CCNO: variants seen among roughly 807,000 people sequenced by gnomAD.
CCNO encodes cyclin-O.
In CCNO, 24 loss-of-function variants were observed where a neutral mutation model predicts 23.9. The observed-to-expected ratio is 1.00, with a 90% CI of 0.73 to 1.41. CCNO has a LOEUF of 1.41. Ranked by LOEUF, CCNO falls within the 40% of genes most tolerant of loss-of-function variation. The pLI is 0.00. For missense variants in CCNO, 542 were observed against 476.2 expected (o/e 1.14, Z -1.29); for synonymous variants, 241 against 225.7 (o/e 1.07, Z -0.61).
chr5:55,231,861 C>G lies in CCNO; in HGVS notation c.568-1G>C, dbSNP rs1312679513. The stretch of plus-strand genomic sequence containing the variant: ...TCACGCGCGGCGGGTGCACCTCCAC[C>G]TGCAACACAGGGCGCACTCAACCCC... On this transcript the variant is annotated splice_acceptor_variant, in intron 2 of 2. Transcript: ENST00000282572. LOFTEE classifies it high-confidence loss of function. The G allele has an allele frequency of 6.5e-7, 1 of 1,534,766 alleles. No individual in the cohort carries two copies. The highest frequency in any genetic ancestry group is 8.8e-7 in the Non-Finnish European group (1 of 1,139,976).
In CCNO at chr5:55,233,065, GCC is replaced by G. The variant is rs1395605645; in HGVS notation, c.381+76_381+77del. 3.5e-4 allele frequency: 504 copies of G among 1,448,380 alleles called. 4 individuals carry two copies. The African/African-American group carries it at 5.4e-3, about 15-fold the overall frequency. 89.7% of individuals were successfully genotyped at this position (1,448,380 alleles called of 1,614,324 possible). A position where few individuals can be genotyped will look rare whatever the true frequency, so the allele number is the denominator to read the frequency against. On this transcript the variant is annotated intron_variant, in intron 1 of 2. Coordinates refer to ENST00000282572, the MANE Select transcript of CCNO (RefSeq NM_021147.5). ...TGTCGCGGGCCCGGGCGCTCGGAGG[GCC>G]GAGCCGGCAGGAGAGGAGAGAGCCT... is the stretch of plus-strand genomic sequence containing the variant.
At position 55,232,475 on chromosome 5, in the gene CCNO, G is replaced by C. The variant is rs1197167668; in HGVS notation, c.453C>G (p.Phe151Leu). 2 of 1,614,024 alleles carry C rather than the reference G, an allele frequency of 1.2e-6. No homozygotes were observed. The highest frequency in any genetic ancestry group is 2.2e-5 in the South Asian group (2 of 91,086). ...IPVHRQFGLS[F>L]ESLCLTVNTL... ...TGTTCACCGTCAGGCACAGCGACTC[G>C]AAGGAGAGGCCGAATTGGCGGTGCA... is the stretch of plus-strand genomic sequence containing the variant. The change falls in exon 2 of 3, where the codon TTC (phenylalanine) becomes TTG (leucine). Residue 151 changes from phenylalanine (F) to leucine (L), a missense_variant. By Grantham distance (22) the Phe-to-Leu change is conservative. Transcript: ENST00000282572.
chr5:55,232,427 G>A lies in CCNO; in HGVS notation c.501C>T (p.Thr167=), dbSNP rs751000643. ...TVNTLDRFLT[T]TPVAADCFQL... ...GGAAGCAGTCTGCAGCCACCGGCGT[G>A]GTGGTGAGGAAGCGGTCCAGAGTGT... The change falls in exon 2 of 3, where the codon ACC becomes ACT. Residue 167 remains threonine (T), a synonymous_variant. Coordinates refer to ENST00000282572, the MANE Select transcript of CCNO (RefSeq NM_021147.5). The A allele has an allele frequency of 6.2e-7, 1 of 1,614,066 alleles. No individual in the cohort carries two copies. The highest frequency in any genetic ancestry group is 1.7e-5 in the Admixed American group (1 of 60,028).
At chr5:55,233,022 T>G in intron 1 of CCNO, 121 bp downstream of exon 1, 1 of 1,058,242 alleles carries the variant, frequency 9.4e-7, no homozygotes, top group South Asian at 1.6e-5. Flanking sequence ...GTGCTTCGAC[T>G]CGGGGCGGGA....
rs145783643 is a variant in CCNO at position 55,231,478 on chromosome 5, A to G, written c.950T>C (p.Met317Thr). ...GGCCACCAGCAGCTGCAACTTGCCC[A>G]TACAGTCCTCCAGCGCCGCCTCCGG... ...DHPEAALEDC[M>T]GKLQLLVAIN... The change falls in exon 3 of 3, where the codon ATG becomes ACG. Residue 317 changes from methionine (M) to threonine (T), a missense_variant. Physicochemically the swap from Met to Thr is moderately conservative, Grantham distance 81. Coordinates refer to ENST00000282572, the MANE Select transcript of CCNO (RefSeq NM_021147.5). The G allele has an allele frequency of 5.9e-5, 95 of 1,613,978 alleles. No homozygotes were observed. The highest frequency in any genetic ancestry group is 1.7e-5 in the Admixed American group (1 of 60,010).
chr5:55,231,496 G>T lies in CCNO; in HGVS notation c.932C>A (p.Ala311Glu), dbSNP rs536570958. Residue 311 changes from alanine to glutamate, a missense_variant, in exon 3 of 3, where the codon GCG (alanine) becomes GAG (glutamate). Physicochemically the swap from Ala to Glu is moderately radical, Grantham distance 107. Transcript: ENST00000282572. The part of the protein sequence containing the change: ...VDLRLGDHPE[A>E]ALEDCMGKLQ... ...CTTGCCCATACAGTCCTCCAGCGCC[G>T]CCTCCGGGTGGTCTCCCAGTCGCAA... 6.2e-7 allele frequency: 1 copy of T among 1,613,880 alleles called. No homozygotes were observed. Among genetic ancestry groups the T allele is most frequent in the East Asian group, 2.2e-5 (1 of 44,886 alleles).
At chr5:55,232,586 G>C (rs771769193) in intron 1 of CCNO, 40 bp from the exon 2 acceptor site, 2 of 1,593,946 alleles carry the variant, frequency 1.3e-6, no homozygotes, top group Non-Finnish European at 8.6e-7. Flanking sequence ...GCTGGGCTTA[G>C]GGTGGAGAGG....
At position 55,231,256 on chromosome 5, in the gene CCNO, C is replaced by T; in HGVS notation, c.*119G>A. On this transcript the variant is annotated 3_prime_UTR_variant, in exon 3 of 3. Coordinates refer to ENST00000282572, the MANE Select transcript of CCNO (RefSeq NM_021147.5). ...TGCTAGTATCGTACACTATTTACAA[C>T]CTGCAGCTGACCAAGCAGGTCCTGA... 8.8e-7 allele frequency: 1 copy of T among 1,134,052 alleles called. No individual in the cohort carries two copies. The highest frequency in any genetic ancestry group is 1.3e-6 in the Non-Finnish European group (1 of 782,442). 70.2% of individuals were successfully genotyped at this position (1,134,052 alleles called of 1,614,324 possible). A position where few individuals can be genotyped will look rare whatever the true frequency, so the allele number is the denominator to read the frequency against.
Position 55,231,783 on chromosome 5 carries a change from G to A in CCNO, c.645C>T (p.Asn215=), listed in dbSNP as rs1170327748. ...GCTTGTGCAGCACGATGCACTCGAG[G>A]TTGCAGAGCTGCTGCCGGGAGAAGG... ...CGAFSRQQLC[N]LECIVLHKLH... Residue 215 remains asparagine (N), a synonymous_variant, in exon 3 of 3, where the codon AAC becomes AAT. Coordinates refer to ENST00000282572, the MANE Select transcript of CCNO (RefSeq NM_021147.5). The A allele has an allele frequency of 6.4e-7, 1 of 1,562,426 alleles. No individual in the cohort carries two copies. Among genetic ancestry groups the A allele is most frequent in the East Asian group, 2.4e-5 (1 of 42,128 alleles).
chr5:55,231,786 G>A lies in CCNO; in HGVS notation c.642C>T (p.Cys214=). 1 of 1,561,308 alleles carries A rather than the reference G, an allele frequency of 6.4e-7. No homozygotes were observed. Among genetic ancestry groups the A allele is most frequent in the South Asian group, 1.2e-5 (1 of 84,864 alleles). ...CCGAFSRQQL[C]NLECIVLHKL... Reference sequence around the variant, plus strand: ...TGTGCAGCACGATGCACTCGAGGTTGCAGAGCTGCTGCCGGGAGAAGGCGC... The same window carrying A: ...TGTGCAGCACGATGCACTCGAGGTTACAGAGCTGCTGCCGGGAGAAGGCGC... Residue 214 remains cysteine (C), a synonymous_variant, in exon 3 of 3, where the codon TGC becomes TGT. Coordinates refer to ENST00000282572, the MANE Select transcript of CCNO (RefSeq NM_021147.5).
rs1745616674 is a variant in CCNO, at chr5:55,232,470, G to A, written c.458C>T (p.Ser153Leu). ...CAGAGTGTTCACCGTCAGGCACAGC[G>A]ACTCGAAGGAGAGGCCGAATTGGCG... Reference protein sequence around the residue: ...VHRQFGLSFESLCLTVNTLDR... With the variant: ...VHRQFGLSFELLCLTVNTLDR... Residue 153 changes from serine (S) to leucine (L), a missense_variant, in exon 2 of 3, where the codon TCG becomes TTG. Physicochemically the swap from Ser to Leu is moderately radical, Grantham distance 145 (BLOSUM62 -2). Coordinates refer to ENST00000282572, the MANE Select transcript of CCNO (RefSeq NM_021147.5). 2 of 1,613,876 alleles carry A rather than the reference G, an allele frequency of 1.2e-6. No individual in the cohort carries two copies.
In CCNO at chr5:55,233,588, C is replaced by T; in HGVS notation, c.-65G>A. The T allele has an allele frequency of 7.0e-7, 1 of 1,434,964 alleles. No homozygotes were observed. Among genetic ancestry groups the T allele is most frequent in the Non-Finnish European group, 9.2e-7 (1 of 1,092,760 alleles). 88.9% of individuals were successfully genotyped at this position (1,434,964 alleles called of 1,614,324 possible). ...GGCTGCGGCGGGCAGCAAACGCGCA[C>T]TCGAAAGTGCGAAGGAGGCCGGGCT... is the stretch of plus-strand genomic sequence containing the variant. On this transcript the variant is annotated 5_prime_UTR_variant, in exon 1 of 3. It adds an upstream start codon to the 5' untranslated region. Coordinates refer to ENST00000282572, the MANE Select transcript of CCNO (RefSeq NM_021147.5).
rs774547104 is a variant in CCNO, at chr5:55,233,336, G to C, written c.188C>G (p.Ser63Cys). The C allele has an allele frequency of 2.5e-6, 4 of 1,606,658 alleles. No homozygotes were observed. In the South Asian group the frequency reaches 3.3e-5, roughly 13 times the overall value. ...GDSGICDLFESPSSGSDGAES... is the reference protein window; with the variant it reads ...GDSGICDLFECPSSGSDGAES... ...TGCGCCGTCTGAGCCGGAGCTGGGG[G>C]ACTCGAACAGGTCGCAAATGCCGGA... Residue 63 changes from serine to cysteine, a missense_variant, in exon 1 of 3, where the codon TCC (serine) becomes TGC (cysteine). Physicochemically the swap from Ser to Cys is moderately radical, Grantham distance 112. Transcript: ENST00000282572.
rs1373502084 is a variant in CCNO at position 55,231,284 on chromosome 5, C to T, written c.*91G>A. The T allele has an allele frequency of 4.8e-6, 7 of 1,459,870 alleles. No individual in the cohort carries two copies. Among genetic ancestry groups the T allele is most frequent in the Non-Finnish European group, 6.6e-6 (7 of 1,064,492 alleles). The allele number at this position is 1,459,870 out of a possible 1,614,324, so 90.4% of individuals were successfully genotyped here. On this transcript the variant is annotated 3_prime_UTR_variant, in exon 3 of 3. Coordinates refer to ENST00000282572, the MANE Select transcript of CCNO (RefSeq NM_021147.5). ...GCAGCTGACCAAGCAGGTCCTGAAGCCTTCTCTGTGGACCAGTACTGCACT... is the reference window on the plus strand; with the variant it reads ...GCAGCTGACCAAGCAGGTCCTGAAGTCTTCTCTGTGGACCAGTACTGCACT...
chr5:55,232,597 G>T, intron 1 of CCNO, 51 bp from the exon 2 acceptor site: 1 of 1,564,834 alleles, frequency 6.4e-7, no homozygotes, highest in Non-Finnish European at 8.8e-7. Context: ...GGTGGAGAGG[G>T]ACTGTGGAAG....
rs139167004 is a variant in CCNO at position 55,231,648 on chromosome 5, G to A, written c.780C>T (p.Ala260=). The part of the protein sequence containing the change: ...AEASEALEAQ[A]LARGVAELSL... The stretch of plus-strand genomic sequence containing the variant: ...TCAGCTCTGCCACCCCCCGCGCCAG[G>A]GCTTGCGCTTCCAGAGCTTCGGAGG... Residue 260 remains alanine, a synonymous_variant, in exon 3 of 3, where the codon GCC becomes GCT. Coordinates refer to ENST00000282572, the MANE Select transcript of CCNO (RefSeq NM_021147.5). 4.5e-3 allele frequency: 7,076 copies of A among 1,588,502 alleles called. 36 individuals are homozygous for A. The highest frequency in any genetic ancestry group is 0.03 in the Middle Eastern group (179 of 6,000).
Position 55,233,261 on chromosome 5 carries a change from T to TGGGCCGGGCC in CCNO, c.253_262dup (p.Gln88ArgfsTer51), listed in dbSNP as rs587777499. 14 of 1,589,378 alleles carry TGGGCCGGGCC rather than the reference T, an allele frequency of 8.8e-6. No individual in the cohort carries two copies. Among genetic ancestry groups the TGGGCCGGGCC allele is most frequent in the East Asian group, 4.5e-5 (2 of 44,096 alleles). ...CTGTAGATCTAGCTGCGCCACGGGCTGGGCCGGGCCGGGCAGGGGGCTACC... is the reference window on the plus strand; with the variant it reads ...CTGTAGATCTAGCTGCGCCACGGGCTGGGCCGGGCCGGGCCGGGCCGGGCAGGGGGCTACC... On this transcript the variant is annotated frameshift_variant, in exon 1 of 3. Coordinates refer to ENST00000282572, the MANE Select transcript of CCNO (RefSeq NM_021147.5). LOFTEE classifies it high-confidence loss of function.
chr5:55,233,205 C>T lies in CCNO; in HGVS notation c.319G>A (p.Ala107Thr). 1 of 1,562,132 alleles carries T rather than the reference C, an allele frequency of 6.4e-7. No individual in the cohort carries two copies. The highest frequency in any genetic ancestry group is 8.7e-7 in the Non-Finnish European group (1 of 1,154,962). The change falls in exon 1 of 3, where the codon GCC becomes ACC. Residue 107 changes from alanine to threonine, a missense_variant. By Grantham distance (58) the Ala-to-Thr change is moderately conservative. Transcript: ENST00000282572. ...TFRDYGQSCYAFRKAQESHFH... is the reference protein window; with the variant it reads ...TFRDYGQSCYTFRKAQESHFH... The stretch of plus-strand genomic sequence containing the variant: ...TGGCTCTCCTGCGCCTTGCGGAAGG[C>T]GTAGCAGCTCTGGCCGTAGTCGCGG...
At chr5:55,233,033 C>A in intron 1 of CCNO, 110 bp downstream of exon 1, 1 of 1,175,022 alleles carries the variant, frequency 8.5e-7, no homozygotes. Flanking sequence ...CGGGGCGGGA[C>A]CTGGGCTGTC....
Sources: allele counts gnomAD v4.1 joint callset, GRCh38; gene constraint gnomAD v4.1.1; transcripts MANE v1.5; gene names NCBI Gene and HGNC (gene_info 2026-07-23, HGNC 2026-07-21).